Variants in ATP8B2 observed in about 807,000 individuals in gnomAD.
The protein encoded by ATP8B2 is ATPase phospholipid transporting 8B2, also known as phospholipid-transporting ATPase ID.
Under a neutral mutation model 133.4 loss-of-function variants are expected in ATP8B2, and 70 were observed. That is an observed-to-expected ratio of 0.52 (90% CI 0.43 to 0.64). The LOEUF is 0.64. Ranked by LOEUF, ATP8B2 falls within the 30% of genes least tolerant of loss-of-function variation. ATP8B2 has a pLI of 0.00. For missense variants in ATP8B2, 1,101 were observed against 1,535.7 expected (o/e 0.72, Z 4.73); for synonymous variants, 517 against 589.5 (o/e 0.88, Z 1.78).
chr1:154,334,348 A>G lies in ATP8B2; in HGVS notation c.748+83A>G. 2 of 1,570,320 alleles carry G rather than the reference A, an allele frequency of 1.3e-6. No individual in the cohort carries two copies. Among genetic ancestry groups the G allele is most frequent in the Non-Finnish European group, 1.7e-6 (2 of 1,150,006 alleles). The stretch of plus-strand genomic sequence containing the variant: ...CAGGAGTATGGGATGAGGTGGGAGA[A>G]TACCTAAGGTAAAAAACCTCCAGCT... On this transcript the variant is annotated intron_variant, in intron 10 of 27. Transcript: ENST00000368489. The surrounding 1 kb of genome is among the most constrained non-coding windows in gnomAD (Gnocchi z 4.6).
Position 154,328,100 on chromosome 1 carries a change from T to A in ATP8B2, c.-37-5T>A. ...CTGACCTCATTCGTCTGTCACTTCTTGCAGGGTCTCCCATGGGATTGCTGG... is the reference window on the plus strand; with the variant it reads ...CTGACCTCATTCGTCTGTCACTTCTAGCAGGGTCTCCCATGGGATTGCTGG... On this transcript the variant is annotated splice_polypyrimidine_tract_variant and splice_region_variant and intron_variant, in intron 1 of 27. Transcript: ENST00000368489. The surrounding 1 kb of genome is among the most constrained non-coding windows in gnomAD (Gnocchi z 4.6). The A allele has an allele frequency of 6.2e-7, 1 of 1,614,042 alleles. No homozygotes were observed. The highest frequency in any genetic ancestry group is 8.5e-7 in the Non-Finnish European group (1 of 1,179,924).
Position 154,345,048 on chromosome 1 carries a change from G to T in ATP8B2, c.2364G>T (p.Arg788=). 1 of 1,614,208 alleles carries T rather than the reference G, an allele frequency of 6.2e-7. No homozygotes were observed. The highest frequency in any genetic ancestry group is 2.2e-5 in the East Asian group (1 of 44,886). ...CCTGCAAAGCTGTCATCTGCTGCCG[G>T]GTGACCCCCTTGCAGAAGGCACAGG... ...ACACKAVICC[R]VTPLQKAQVV... Residue 788 remains arginine (R), a synonymous_variant, in exon 22 of 28, where the codon CGG becomes CGT. Coordinates refer to ENST00000368489, the MANE Select transcript of ATP8B2 (RefSeq NM_001370597.1). The surrounding 1 kb of genome is among the most constrained non-coding windows in gnomAD (Gnocchi z 5.6).
chr1:154,329,408 G>C (rs1324416539), intron 2 of ATP8B2, among the ~76,000 whole-genome samples: 2 of 152,126 alleles, frequency 1.3e-5, no homozygotes, highest in African/African-American at 4.8e-5. Context: ...GCTGTCTTTG[G>C]CTCCCGGACA....
In ATP8B2 at chr1:154,350,814, T is replaced by C. The variant is rs1019304211; in HGVS notation, c.*1696T>C. 6.6e-6 allele frequency: 1 copy of C among 152,410 alleles called. No homozygotes were observed. The highest frequency in any genetic ancestry group is 1.5e-5 in the Non-Finnish European group (1 of 68,032). The allele number at this position is 152,410 out of a possible 1,614,324, so 9.4% of individuals were successfully genotyped here. A position where few individuals can be genotyped will look rare whatever the true frequency, so the allele number is the denominator to read the frequency against. On this transcript the variant is annotated 3_prime_UTR_variant, in exon 28 of 28. Transcript: ENST00000368489. ...CAGCCTTGAGAAGAATCCTTTCCTC[T>C]TCTTTGATAGTGGGTCGGGGGATTC...
In ATP8B2 at chr1:154,325,598, G is replaced by C. The variant is rs1305145620; in HGVS notation, c.-142G>C. ...CCCCGGGGGAGCGGGGCCGCAGCTG[G>C]GGGGGCGGGAGCCCGTGGGGAGCCG... is the stretch of plus-strand genomic sequence containing the variant. On this transcript the variant is annotated 5_prime_UTR_variant, in exon 1 of 28. Coordinates refer to ENST00000368489, the MANE Select transcript of ATP8B2 (RefSeq NM_001370597.1). 6.6e-6 allele frequency: 1 copy of C among 152,002 alleles called. No individual in the cohort carries two copies. The highest frequency in any genetic ancestry group is 2.4e-5 in the African/African-American group (1 of 41,410). 9.4% of individuals were successfully genotyped at this position (152,002 alleles called of 1,614,324 possible).
At position 154,343,222 on chromosome 1, in the gene ATP8B2, TGA is replaced by T. The variant is rs1686446527; in HGVS notation, c.1566_1567del (p.Glu522AspfsTer41). On this transcript the variant is annotated frameshift_variant, in exon 16 of 28. Coordinates refer to ENST00000368489, the MANE Select transcript of ATP8B2 (RefSeq NM_001370597.1). LOFTEE classifies it high-confidence loss of function. This position sits in a 1 kb window ranked among gnomAD's most constrained non-coding sequence, Gnocchi z 5.8. ...GCACCCCCAAAACAATCACCGTCCA[TGA>T]GATGGGCACAGCCATCACCTACCAG... ...SRTPKTITVH[E>X]MGTAITYQLL... 6.2e-7 allele frequency: 1 copy of T among 1,613,590 alleles called. No homozygotes were observed. Among genetic ancestry groups the T allele is most frequent in the Non-Finnish European group, 8.5e-7 (1 of 1,179,690 alleles).
chr1:154,341,154 T>C (rs1686368734), intron 13 of ATP8B2, 92 bp downstream of exon 13: 3 of 1,357,194 alleles, frequency 2.2e-6, no homozygotes, highest in Admixed American at 1.9e-5. Flanking sequence ...ATTGGTTTTT[T>C]CTTCCTTCCT....
chr1:154,332,009 C>T lies in ATP8B2; in HGVS notation c.494C>T (p.Thr165Ile), dbSNP rs1686012213. 6.2e-7 allele frequency: 1 copy of T among 1,613,948 alleles called. No individual in the cohort carries two copies. Among genetic ancestry groups the T allele is most frequent in the African/African-American group, 1.3e-5 (1 of 75,044 alleles). Residue 165 changes from threonine to isoleucine, a missense_variant, in exon 8 of 28, where the codon ACA becomes ATA. Physicochemically the swap from Thr to Ile is moderately conservative, Grantham distance 89. Transcript: ENST00000368489. ...CCCCATGGGCTGTGTTACATAGAGA[C>T]AGCAGAACTTGATGGGTAAGTGGCA... is the stretch of plus-strand genomic sequence containing the variant. ...SEPHGLCYIETAELDGETNMK... is the reference protein window; with the variant it reads ...SEPHGLCYIEIAELDGETNMK...
At position 154,350,941 on chromosome 1, in the gene ATP8B2, GGGCAGGGAATGGGAGAGGGGAAGTCTT is replaced by G. The variant is rs1161766904; in HGVS notation, c.*1833_*1859del. On this transcript the variant is annotated 3_prime_UTR_variant, in exon 28 of 28. Coordinates refer to ENST00000368489, the MANE Select transcript of ATP8B2 (RefSeq NM_001370597.1). ...GGGCTGCAGTGAGGTGGGGGCGGGTGGGCAGGGAATGGGAGAGGGGAAGTCTTGGCAGGGAAATCCCTTTTGGCCACA... is the reference window on the plus strand; with the variant it reads ...GGGCTGCAGTGAGGTGGGGGCGGGTGGGCAGGGAAATCCCTTTTGGCCACA... 2 of 151,512 alleles carry G rather than the reference GGGCAGGGAATGGGAGAGGGGAAGTCTT, an allele frequency of 1.3e-5. No individual in the cohort carries two copies. The highest frequency in any genetic ancestry group is 2.9e-5 in the Non-Finnish European group (2 of 67,800). The allele number at this position is 151,512 out of a possible 1,614,324, so 9.4% of individuals were successfully genotyped here.
chr1:154,342,139 C>T (rs1686406256), intron 13 of ATP8B2, among the ~76,000 whole-genome samples: 1 of 152,082 alleles, frequency 6.6e-6, no homozygotes, highest in Non-Finnish European at 1.5e-5. Flanking sequence ...GTGTCTGAGC[C>T]TTGTCTGCTG....
Position 154,346,341 on chromosome 1 carries a change from C to T in ATP8B2, c.2889C>T (p.Tyr963=). The change falls in exon 25 of 28, where the codon TAC becomes TAT. Residue 963 remains tyrosine, a synonymous_variant. Coordinates refer to ENST00000368489, the MANE Select transcript of ATP8B2 (RefSeq NM_001370597.1). This position sits in a 1 kb window ranked among gnomAD's most constrained non-coding sequence, Gnocchi z 4.5. ...TCATCTGCATCGCCCAGGGCATCTA[C>T]ACCTCCGTGCTCATGTTCTTCATTC... is the stretch of plus-strand genomic sequence containing the variant. The part of the protein sequence containing the change: ...EFFICIAQGI[Y]TSVLMFFIPY... 3 of 1,614,224 alleles carry T rather than the reference C, an allele frequency of 1.9e-6. No individual in the cohort carries two copies. The highest frequency in any genetic ancestry group is 2.2e-5 in the South Asian group (2 of 91,090).
In ATP8B2 at chr1:154,340,941, C is replaced by T; in HGVS notation, c.1122C>T (p.Ala374=). ...FCMKKRTPAE[A]RTTTLNEELG... ...TGAAGAAGCGGACGCCTGCAGAAGC[C>T]CGCACCACCACCCTAAACGAGGAGC... Residue 374 remains alanine (A), a synonymous_variant, in exon 13 of 28, where the codon GCC becomes GCT. Transcript: ENST00000368489. The surrounding 1 kb of genome is among the most constrained non-coding windows in gnomAD (Gnocchi z 4.0). 2 of 1,614,144 alleles carry T rather than the reference C, an allele frequency of 1.2e-6. No homozygotes were observed. The highest frequency in any genetic ancestry group is 4.5e-5 in the East Asian group (2 of 44,882).
chr1:154,340,632 T>C lies in ATP8B2; in HGVS notation c.1035-222T>C. On this transcript the variant is annotated intron_variant, in intron 12 of 27. Coordinates refer to ENST00000368489, the MANE Select transcript of ATP8B2 (RefSeq NM_001370597.1). The surrounding 1 kb of genome is among the most constrained non-coding windows in gnomAD (Gnocchi z 4.0). ...CCCAGGCCCTTTGCACCTTCTTGTC[T>C]GGAGAGCATCAGGAGGGTCGGGTCG... The C allele has an allele frequency of 1.7e-6, 1 of 585,336 alleles. No individual in the cohort carries two copies. 36.3% of individuals were successfully genotyped at this position (585,336 alleles called of 1,614,324 possible).
At chr1:154,327,647 G>A (rs370168692) in intron 1 of ATP8B2, among the ~76,000 whole-genome samples, 1 of 152,156 alleles carries the variant, frequency 6.6e-6, no homozygotes, top group South Asian at 2.1e-4. Flanking sequence ...CTTTCGAGAA[G>A]GGTGGAGCCT....
chr1:154,331,624 G>C lies in ATP8B2; in HGVS notation c.384G>C (p.Trp128Cys). 1 of 1,614,202 alleles carries C rather than the reference G, an allele frequency of 6.2e-7. No individual in the cohort carries two copies. Among genetic ancestry groups the C allele is most frequent in the Non-Finnish European group, 8.5e-7 (1 of 1,180,046 alleles). Residue 128 changes from tryptophan (W) to cysteine (C), a missense_variant, in exon 7 of 28, where the codon TGG becomes TGC. Trp to Cys is a radical substitution (Grantham distance 215). Coordinates refer to ENST00000368489, the MANE Select transcript of ATP8B2 (RefSeq NM_001370597.1). This position sits in a 1 kb window ranked among gnomAD's most constrained non-coding sequence, Gnocchi z 4.8. ...GCCTCAGCCTCCAGCAGGAGCAGTG[G>C]ATGAATGTCTGTGTTGGTGATATTA... ...LINGILQQEQ[W>C]MNVCVGDIIK...
In ATP8B2 at chr1:154,346,531, C is replaced by G; in HGVS notation, c.3024+55C>G. 6.2e-7 allele frequency: 1 copy of G among 1,605,844 alleles called. No individual in the cohort carries two copies. Among genetic ancestry groups the G allele is most frequent in the South Asian group, 1.1e-5 (1 of 89,916 alleles). ...CTCTGGAAGGAGTGAGCCTTCTGTC[C>G]CTGGGGCTGCCCTGGGCACCACAGT... On this transcript the variant is annotated intron_variant, in intron 25 of 27. Coordinates refer to ENST00000368489, the MANE Select transcript of ATP8B2 (RefSeq NM_001370597.1). The surrounding 1 kb of genome is among the most constrained non-coding windows in gnomAD (Gnocchi z 4.5).
At position 154,346,533 on chromosome 1, in the gene ATP8B2, T is replaced by A. The variant is rs1241461967; in HGVS notation, c.3024+57T>A. 34 of 1,606,360 alleles carry A rather than the reference T, an allele frequency of 2.1e-5. No individual in the cohort carries two copies. The highest frequency in any genetic ancestry group is 2.6e-5 in the Non-Finnish European group (31 of 1,175,370). On this transcript the variant is annotated intron_variant, in intron 25 of 27. Coordinates refer to ENST00000368489, the MANE Select transcript of ATP8B2 (RefSeq NM_001370597.1). This position sits in a 1 kb window ranked among gnomAD's most constrained non-coding sequence, Gnocchi z 4.5. ...CTGGAAGGAGTGAGCCTTCTGTCCC[T>A]GGGGCTGCCCTGGGCACCACAGTTC...
Position 154,331,269 on chromosome 1 carries a change from T to C in ATP8B2, c.303+123T>C, listed in dbSNP as rs554683731. ...GGTGACCTTGACATCCCTTACCCGG[T>C]CCAGCTAGATCCATGATGTCTTTTT... On this transcript the variant is annotated intron_variant, in intron 5 of 27. Transcript: ENST00000368489. This position sits in a 1 kb window ranked among gnomAD's most constrained non-coding sequence, Gnocchi z 4.8. 10 of 1,128,806 alleles carry C rather than the reference T, an allele frequency of 8.9e-6. No individual in the cohort carries two copies. The East Asian group carries it at 2.5e-4, about 28-fold the overall frequency. The allele number at this position is 1,128,806 out of a possible 1,614,324, so 69.9% of individuals were successfully genotyped here. A position where few individuals can be genotyped will look rare whatever the true frequency, so the allele number is the denominator to read the frequency against.
Position 154,340,197 on chromosome 1 carries a change from C to T in ATP8B2, c.1035-657C>T, listed in dbSNP as rs1373794117. Among the ~76,000 whole-genome samples the T allele has an allele frequency of 4.6e-5, 7 of 152,286 alleles. No individual in the cohort carries two copies. The East Asian group carries it at 1.2e-3, about 25-fold the overall frequency. On this transcript the variant is annotated intron_variant, in intron 12 of 27. Transcript: ENST00000368489. The surrounding 1 kb of genome is among the most constrained non-coding windows in gnomAD (Gnocchi z 4.0). ...GCTCAAAAAACAAACAAGCAAACAACAACCACCACAATGCGCTGTGCCATT... is the reference window on the plus strand; with the variant it reads ...GCTCAAAAAACAAACAAGCAAACAATAACCACCACAATGCGCTGTGCCATT...
Sources: gnomAD v4.1 joint callset for allele counts (sites outside exome capture counted in the v4.1 genomes callset) on GRCh38, gnomAD v4.1.1 for gene constraint, Gnocchi (gnomAD v3.1) non-coding constraint, MANE v1.5 for transcripts, NCBI Gene and HGNC (gene_info 2026-07-23, HGNC 2026-07-21) for gene names.